The following NRL variants were observed in gnomAD, a reference collection of about 807,000 sequenced individuals.
The protein encoded by NRL is neural retina leucine zipper.
NRL carries 16 observed loss-of-function variants against 12.5 expected under a neutral mutation model. The observed-to-expected ratio is 1.28, with a 90% CI of 0.87 to 1.95. NRL has a LOEUF of 1.95. Ranked by LOEUF, NRL falls within the 30% of genes most tolerant of loss-of-function variation. NRL has a pLI of 0.00. For synonymous variants in NRL, 142 were observed against 150.9 expected (o/e 0.94, Z 0.43); for missense variants, 314 against 325.8 (o/e 0.96, Z 0.28).
At chr14:24,087,308 G>T (rs1194690447) in intron 1 of NRL, among the ~76,000 whole-genome samples, 2 of 152,212 alleles carry the variant, frequency 1.3e-5, no homozygotes, top group Admixed American at 1.3e-4. Flanking sequence ...TGGGGACCAA[G>T]ACCTAGACAC....
intron 1 of NRL, chr14:24,100,243 C>T (rs1489751496): frequency 6.2e-7 from 1 of 1,611,506 alleles, no homozygotes; most frequent in South Asian, 1.1e-5. Context: ...TGTGGCACAG[C>T]CTCCAGGCCT....
chr14:24,083,115 C>G (rs2036371210), intron 1 of NRL, among the ~76,000 whole-genome samples: 1 of 152,212 alleles, frequency 6.6e-6, no homozygotes, highest in Non-Finnish European at 1.5e-5. Context: ...GACAGCACAG[C>G]CTCTCGCCCC....
At chr14:24,098,785 A>C in intron 1 of NRL, 1 of 951,210 alleles carries the variant, frequency 1.1e-6, no homozygotes, top group South Asian at 1.5e-5. Context: ...CTCTCTGGCA[A>C]CCTAATTCCC....
intron 2 of NRL, chr14:24,082,061 G>T: frequency 8.3e-7 from 1 of 1,204,684 alleles, no homozygotes; most frequent in Non-Finnish European, 1.0e-6. Flanking sequence ...TTCCTGAGAA[G>T]GTTGGGGGCT....
At chr14:24,102,842 G>A (rs762854352) in intron 1 of NRL, 1 of 1,613,986 alleles carries the variant, frequency 6.2e-7, no homozygotes, top group South Asian at 1.1e-5. Context: ...GGAGGCCCCA[G>A]AGGGTGTCCC....
intron 1 of NRL, among the ~76,000 whole-genome samples, chr14:24,086,084 G>GCAGGCACCTGTAATGC (rs2036458584): frequency 6.6e-6 from 1 of 152,138 alleles, no homozygotes; most frequent in Non-Finnish European, 1.5e-5. Context: ...GGGCATAGTG[G>GCAGGCACCTGTAATGC]CAGGCACCTG....
intron 1 of NRL, among the ~76,000 whole-genome samples, chr14:24,089,126 G>A (rs2036546021): frequency 6.6e-6 from 1 of 151,554 alleles, no homozygotes; most frequent in Non-Finnish European, 1.5e-5. Flanking sequence ...TTTTAGTAGA[G>A]ACAGGGTTTC....
At chr14:24,098,987 TG>T in intron 1 of NRL, 1 of 1,324,138 alleles carries the variant, frequency 7.6e-7, no homozygotes. Flanking sequence ...CTGATCCCTC[TG>T]GCCCCGACAC....
intron 1 of NRL, chr14:24,095,475 G>A: frequency 3.0e-6 from 1 of 327,984 alleles, no homozygotes; most frequent in Non-Finnish European, 6.1e-6. Flanking sequence ...ACAGACTCAA[G>A]CTCCCGTATC....
chr14:24,099,935 TG>T, intron 1 of NRL: 1 of 1,613,926 alleles, frequency 6.2e-7, no homozygotes, highest in Non-Finnish European at 8.5e-7. Flanking sequence ...GGACCTTCTT[TG>T]GTCTTACATC....
chr14:24,098,580 G>T (rs755045133), intron 1 of NRL: 1 of 1,614,130 alleles, frequency 6.2e-7, no homozygotes, highest in Non-Finnish European at 8.5e-7. Flanking sequence ...GCAAGCATGC[G>T]TATTATGACC....
intron 1 of NRL, among the ~76,000 whole-genome samples, chr14:24,087,601 T>C (rs531642755): frequency 3.6e-4 from 55 of 152,224 alleles, no homozygotes; most frequent in Non-Finnish European, 7.2e-4. Flanking sequence ...AGATCTTCAG[T>C]AATAGATCCA....
At chr14:24,088,803 A>AT (rs756699961) in intron 1 of NRL, among the ~76,000 whole-genome samples, 8,722 of 106,370 alleles carry the variant, frequency 0.082, 752 homozygotes, top group East Asian at 0.23. Context: ...TGCCTGGCTA[A>AT]TTTTTTTTTT....
At chr14:24,084,124 C>T (rs954506291) in intron 1 of NRL, among the ~76,000 whole-genome samples, 1 of 152,308 alleles carries the variant, frequency 6.6e-6, no homozygotes, top group South Asian at 2.1e-4. Context: ...CATGTCAGAC[C>T]CCCAGGCTCT....
intron 1 of NRL, among the ~76,000 whole-genome samples, chr14:24,093,873 G>A (rs1330976401): frequency 1.3e-5 from 2 of 152,160 alleles, no homozygotes; most frequent in Non-Finnish European, 2.9e-5. Flanking sequence ...GAAAGGCCCA[G>A]GACTCAGGGT....
intron 1 of NRL, chr14:24,084,833 C>T: frequency 4.0e-6 from 2 of 501,246 alleles, no homozygotes; most frequent in Non-Finnish European, 5.2e-6. Context: ...AACAAAGCTC[C>T]TCACTGATGA....
chr14:24,106,727 A>T (rs542874335), intron 1 of NRL, among the ~76,000 whole-genome samples: 342 of 146,746 alleles, frequency 2.3e-3, no homozygotes, highest in Middle Eastern at 0.01. Flanking sequence ...TCTCAAAAAA[A>T]AAATAAATAA....
chr14:24,105,301 C>A (rs1270310992), intron 1 of NRL, among the ~76,000 whole-genome samples: 1 of 152,222 alleles, frequency 6.6e-6, no homozygotes, highest in African/African-American at 2.4e-5. Context: ...TTCCGGTGAA[C>A]CCACAACCTT....
At chr14:24,084,031 C>T (rs1398745948) in intron 1 of NRL, among the ~76,000 whole-genome samples, 4 of 152,176 alleles carry the variant, frequency 2.6e-5, no homozygotes, top group South Asian at 2.1e-4. Context: ...CCAGAAGGTG[C>T]GCGGCATGGA....
Sources: gnomAD v4.1 joint callset for allele counts (sites outside exome capture counted in the v4.1 genomes callset) on GRCh38, gnomAD v4.1.1 for gene constraint, MANE v1.5 for transcripts, NCBI Gene and HGNC (gene_info 2026-07-23, HGNC 2026-07-21) for gene names.